The following IGFBP5 variants were observed in gnomAD, a reference collection of about 807,000 sequenced individuals.
IGFBP5 encodes insulin-like growth factor-binding protein 5.
A neutral mutation model predicts 28.0 loss-of-function variants in IGFBP5; 12 were observed. That is an observed-to-expected ratio of 0.43 (90% confidence interval 0.27 to 0.69). IGFBP5 has a LOEUF of 0.69. Ranked by LOEUF, IGFBP5 falls within the 30% of genes least tolerant of loss-of-function variation. IGFBP5 has a pLI of 0.20. For missense variants in IGFBP5, 344 were observed against 381.6 expected, an observed-to-expected ratio of 0.90 and a Z score of 0.82; for synonymous variants, 152 against 150.2, an observed-to-expected ratio of 1.01 and a Z score of -0.09.
rs1468458821 is a variant in IGFBP5, at chr2:216,679,424, G to A, written c.338-345C>T. ...AGGGCAAGGAAAATGGCCTCTGCAA[G>A]GATGAAGGTGGCAGCGAGCGGTTTG... is the stretch of plus-strand genomic sequence containing the variant. On this transcript the variant is annotated intron_variant, in intron 1 of 3. Coordinates refer to ENST00000233813, the MANE Select transcript of IGFBP5 (RefSeq NM_000599.4). This position sits in a 1 kb window ranked among gnomAD's most constrained non-coding sequence, Gnocchi z 4.6. Among the ~76,000 whole-genome samples, 1 of 152,114 alleles carries A rather than the reference G, an allele frequency of 6.6e-6. No homozygotes were observed. Among genetic ancestry groups the A allele is most frequent in the Non-Finnish European group, 1.5e-5 (1 of 68,020 alleles).
rs753590555 is a variant in IGFBP5 at position 216,679,513 on chromosome 2, G to A, written c.338-434C>T. Reference sequence around the variant, plus strand: ...AGGTGGGGCTGAGAAGTAGGAACCCGGGAATCTGGGCCCATGGAGGCAGAT... The same window carrying A: ...AGGTGGGGCTGAGAAGTAGGAACCCAGGAATCTGGGCCCATGGAGGCAGAT... On this transcript the variant is annotated intron_variant, in intron 1 of 3. Transcript: ENST00000233813. This position sits in a 1 kb window ranked among gnomAD's most constrained non-coding sequence, Gnocchi z 4.6. 1.4e-4 allele frequency among the ~76,000 whole-genome samples: 21 copies of A among 152,080 alleles called. No homozygotes were observed. Among genetic ancestry groups the A allele is most frequent in the African/African-American group, 1.9e-4 (8 of 41,412 alleles).
chr2:216,685,711 G>A (rs558446799), intron 1 of IGFBP5, among the ~76,000 whole-genome samples: 10 of 152,166 alleles, frequency 6.6e-5, no homozygotes, highest in Non-Finnish European at 1.3e-4. Flanking sequence ...GCTTTTCTGC[G>A]CTTGTGTGTG....
At position 216,679,253 on chromosome 2, in the gene IGFBP5, T is replaced by C; in HGVS notation, c.338-174A>G. On this transcript the variant is annotated intron_variant, in intron 1 of 3. Coordinates refer to ENST00000233813, the MANE Select transcript of IGFBP5 (RefSeq NM_000599.4). This position sits in a 1 kb window ranked among gnomAD's most constrained non-coding sequence, Gnocchi z 4.6. ...GATAAGAACCAGGAAGCAGAGGGAA[T>C]GCTCATTTAAGTGGCAGGAAGTTTC... 1.5e-6 allele frequency: 1 copy of C among 647,302 alleles called. No homozygotes were observed. The highest frequency in any genetic ancestry group is 1.7e-5 in the South Asian group (1 of 58,528). The allele number at this position is 647,302 out of a possible 1,614,324, so 40.1% of individuals were successfully genotyped here.
At position 216,679,222 on chromosome 2, in the gene IGFBP5, C is replaced by T. The variant is rs1264671048; in HGVS notation, c.338-143G>A. ...GCCCTCCTGGAGCACACCCTGAAAGCAGGGGGATAAGAACCAGGAAGCAGA... is the reference window on the plus strand; with the variant it reads ...GCCCTCCTGGAGCACACCCTGAAAGTAGGGGGATAAGAACCAGGAAGCAGA... On this transcript the variant is annotated intron_variant, in intron 1 of 3. Transcript: ENST00000233813. This position sits in a 1 kb window ranked among gnomAD's most constrained non-coding sequence, Gnocchi z 4.6. The T allele has an allele frequency of 1.4e-6, 1 of 690,206 alleles. No homozygotes were observed. The allele number at this position is 690,206 out of a possible 1,614,324, so 42.8% of individuals were successfully genotyped here. A position where few individuals can be genotyped will look rare whatever the true frequency, so the allele number is the denominator to read the frequency against.
chr2:216,685,439 GCA>G (rs1689023363), intron 1 of IGFBP5, among the ~76,000 whole-genome samples: 1 of 152,118 alleles, frequency 6.6e-6, no homozygotes, highest in African/African-American at 2.4e-5. Context: ...TTCCATCATT[GCA>G]GAAAGTCCTG....
In IGFBP5 at chr2:216,682,574, G is replaced by A. The variant is rs1688988477; in HGVS notation, c.338-3495C>T. Among the ~76,000 whole-genome samples the A allele has an allele frequency of 2.6e-5, 4 of 152,274 alleles. No homozygotes were observed. The South Asian group carries it at 8.3e-4, about 32-fold the overall frequency. Reference sequence around the variant, plus strand: ...CTTCCTGGTGAAGATTGTTCTGCACGTGAACAGCAAAAGAACTCAACAGTC... The same window carrying A: ...CTTCCTGGTGAAGATTGTTCTGCACATGAACAGCAAAAGAACTCAACAGTC... On this transcript the variant is annotated intron_variant, in intron 1 of 3. Coordinates refer to ENST00000233813, the MANE Select transcript of IGFBP5 (RefSeq NM_000599.4).
rs947802507 is a variant in IGFBP5 at position 216,673,143 on chromosome 2, G to C, written c.*3608C>G. On this transcript the variant is annotated 3_prime_UTR_variant, in exon 4 of 4. Coordinates refer to ENST00000233813, the MANE Select transcript of IGFBP5 (RefSeq NM_000599.4). This position sits in a 1 kb window ranked among gnomAD's most constrained non-coding sequence, Gnocchi z 4.3. Reference sequence around the variant, plus strand: ...GGGGTACTGTCCCACCTTGAGGGGGGCTTGGCGGTTGCCGTGGCAGCCCTG... The same window carrying C: ...GGGGTACTGTCCCACCTTGAGGGGGCCTTGGCGGTTGCCGTGGCAGCCCTG... 2 of 152,652 alleles carry C rather than the reference G, an allele frequency of 1.3e-5. No individual in the cohort carries two copies. The highest frequency in any genetic ancestry group is 4.8e-5 in the African/African-American group (2 of 41,468). The allele number at this position is 152,652 out of a possible 1,614,324, so 9.5% of individuals were successfully genotyped here.
At position 216,694,450 on chromosome 2, in the gene IGFBP5, T is replaced by A. The variant is rs1243374520; in HGVS notation, c.326A>T (p.Gln109Leu). The A allele has an allele frequency of 1.9e-6, 3 of 1,562,694 alleles. No individual in the cohort carries two copies. The highest frequency in any genetic ancestry group is 2.6e-6 in the Non-Finnish European group (3 of 1,158,576). The change falls in exon 1 of 4, where the codon CAA becomes CTA. Residue 109 changes from glutamine (Q) to leucine (L), a missense_variant. By Grantham distance (113) the Gln-to-Leu change is moderately radical. Coordinates refer to ENST00000233813, the MANE Select transcript of IGFBP5 (RefSeq NM_000599.4). This position sits in a 1 kb window ranked among gnomAD's most constrained non-coding sequence, Gnocchi z 5.2. ...VCLNEKSYREQVKIERDSREH... is the reference protein window; with the variant it reads ...VCLNEKSYRELVKIERDSREH... ...CTGAGCGCGCTCACCGATCTTGACTTGCTCGCGGTAGCTCTTTTCGTTGAG... is the reference window on the plus strand; with the variant it reads ...CTGAGCGCGCTCACCGATCTTGACTAGCTCGCGGTAGCTCTTTTCGTTGAG...
At chr2:216,684,713 T>C (rs1483435192) in intron 1 of IGFBP5, among the ~76,000 whole-genome samples, 2 of 152,250 alleles carry the variant, frequency 1.3e-5, no homozygotes, top group Admixed American at 1.3e-4. Context: ...CTCACCAGCA[T>C]ATAGTATTCA....
Position 216,679,117 on chromosome 2 carries a change from C to G in IGFBP5, c.338-38G>C. Reference sequence around the variant, plus strand: ...GAGCCGGAGGGTCAGCCCCCGTGGGCCAAGGTGCACACGGCCAGAGCCCAG... The same window carrying G: ...GAGCCGGAGGGTCAGCCCCCGTGGGGCAAGGTGCACACGGCCAGAGCCCAG... On this transcript the variant is annotated intron_variant, in intron 1 of 3. Coordinates refer to ENST00000233813, the MANE Select transcript of IGFBP5 (RefSeq NM_000599.4). This position sits in a 1 kb window ranked among gnomAD's most constrained non-coding sequence, Gnocchi z 4.6. The G allele has an allele frequency of 1.9e-6, 3 of 1,569,942 alleles. No individual in the cohort carries two copies. Among genetic ancestry groups the G allele is most frequent in the Non-Finnish European group, 2.6e-6 (3 of 1,140,528 alleles).
At chr2:216,686,477 G>A (rs1326468820) in intron 1 of IGFBP5, among the ~76,000 whole-genome samples, 1 of 151,950 alleles carries the variant, frequency 6.6e-6, no homozygotes, top group Non-Finnish European at 1.5e-5. Flanking sequence ...TATTAGCCGG[G>A]CGTGGCAGTG....
At chr2:216,685,826 C>T (rs1689028583) in intron 1 of IGFBP5, among the ~76,000 whole-genome samples, 1 of 152,148 alleles carries the variant, frequency 6.6e-6, no homozygotes, top group African/African-American at 2.4e-5. Flanking sequence ...CCCATCCCAT[C>T]TCTGACCAGC....
intron 1 of IGFBP5, among the ~76,000 whole-genome samples, chr2:216,680,316 G>A (rs550431341): frequency 3.9e-5 from 6 of 152,330 alleles, no homozygotes; most frequent in African/African-American, 1.4e-4. Context: ...TCTACTCCAT[G>A]ATCACTGGGA....
At position 216,686,475 on chromosome 2, in the gene IGFBP5, G is replaced by A. The variant is rs11575153; in HGVS notation, c.338-7396C>T. 2.4e-3 allele frequency among the ~76,000 whole-genome samples: 361 copies of A among 152,014 alleles called. 3 individuals are homozygous for A. The East Asian group carries it at 0.029, about 12-fold the overall frequency. ...CTCTACATAAAATGAAATATTAGCC[G>A]GGCGTGGCAGTGTGCACCTATAGTC... On this transcript the variant is annotated intron_variant, in intron 1 of 3. Transcript: ENST00000233813.
At chr2:216,687,261 CT>C (rs1309699437) in intron 1 of IGFBP5, among the ~76,000 whole-genome samples, 3 of 152,182 alleles carry the variant, frequency 2.0e-5, no homozygotes, top group Non-Finnish European at 2.9e-5. Flanking sequence ...AGAGCTCCCC[CT>C]GGGAGTCCTT....
At chr2:216,682,778 G>A (rs1447044731) in intron 1 of IGFBP5, among the ~76,000 whole-genome samples, 1 of 151,498 alleles carries the variant, frequency 6.6e-6, no homozygotes, top group African/African-American at 2.4e-5. Context: ...GCGCGATCTC[G>A]GCTCACTGTA....
intron 2 of IGFBP5, 92 bp from the exon 3 acceptor site, chr2:216,678,323 G>A: frequency 9.1e-6 from 12 of 1,323,472 alleles, no homozygotes; most frequent in East Asian, 2.6e-5. Flanking sequence ...GGGCTGAAGG[G>A]TCTCTGGAGG....
chr2:216,694,132 G>A lies in IGFBP5; in HGVS notation c.337+307C>T, dbSNP rs1422486940. Among the ~76,000 whole-genome samples the A allele has an allele frequency of 1.3e-5, 2 of 152,034 alleles. No individual in the cohort carries two copies. The highest frequency in any genetic ancestry group is 2.9e-5 in the Non-Finnish European group (2 of 67,998). On this transcript the variant is annotated intron_variant, in intron 1 of 3. Transcript: ENST00000233813. This position sits in a 1 kb window ranked among gnomAD's most constrained non-coding sequence, Gnocchi z 5.2. ...TTCAGACTGTAGATAGGGTACCAGG[G>A]GATTTGGACCTTGTGACCGAATAAG... is the stretch of plus-strand genomic sequence containing the variant.
chr2:216,684,152 G>A (rs1244456440), intron 1 of IGFBP5, among the ~76,000 whole-genome samples: 1 of 152,194 alleles, frequency 6.6e-6, no homozygotes, highest in Non-Finnish European at 1.5e-5. Context: ...ATTGCACAAC[G>A]CATGTACCCT....
Sources: gnomAD v4.1 joint callset for allele counts (sites outside exome capture counted in the v4.1 genomes callset) on GRCh38, gnomAD v4.1.1 for gene constraint, Gnocchi (gnomAD v3.1) non-coding constraint, MANE v1.5 for transcripts, NCBI Gene and HGNC (gene_info 2026-07-23, HGNC 2026-07-21) for gene names.